Variants in CPXM2 observed in about 807,000 individuals in gnomAD.
CPXM2 encodes the protein inactive carboxypeptidase-like protein X2.
CPXM2 carries 66 observed loss-of-function variants against 86.1 expected under a neutral mutation model. The ratio of observed to expected loss-of-function variants is 0.77; its 90% confidence interval spans 0.63 to 0.94. The LOEUF is 0.94. CPXM2 is among the 40% of genes least tolerant of loss of function. CPXM2 has a pLI of 0.00. For synonymous variants in CPXM2, 388 were observed against 400.2 expected (o/e 0.97, Z 0.36); for missense variants, 948 against 1,026.3 (o/e 0.92, Z 1.04).
chr10:123,829,288 A>C (rs1177520531), intron 4 of CPXM2, among the ~76,000 whole-genome samples: 1 of 152,244 alleles, frequency 6.6e-6, no homozygotes, highest in Non-Finnish European at 1.5e-5. Flanking sequence ...TAAAGTGAAC[A>C]GTCACTCAAG....
At chr10:123,912,843 G>T (rs78051524) in intron 2 of CPXM2, among the ~76,000 whole-genome samples, 3 of 152,168 alleles carry the variant, frequency 2.0e-5, no homozygotes, top group Non-Finnish European at 4.4e-5. Context: ...CACACAACAG[G>T]TTCAACTACT....
chr10:123,788,598 G>A (rs1847126332), intron 6 of CPXM2, among the ~76,000 whole-genome samples: 1 of 152,176 alleles, frequency 6.6e-6, no homozygotes, highest in African/African-American at 2.4e-5. Context: ...CTCCAAAAGC[G>A]AAGCAGCACA....
chr10:123,851,828 A>G (rs1174681592), intron 3 of CPXM2, among the ~76,000 whole-genome samples: 1 of 151,782 alleles, frequency 6.6e-6, no homozygotes, highest in Non-Finnish European at 1.5e-5. Flanking sequence ...CAGTCAGCTT[A>G]GAGCAGGATG....
At chr10:123,920,045 C>A (rs1340262579) in intron 2 of CPXM2, among the ~76,000 whole-genome samples, 2 of 152,174 alleles carry the variant, frequency 1.3e-5, no homozygotes, top group Non-Finnish European at 2.9e-5. Flanking sequence ...CACCTCACAC[C>A]ATGCCCCTTT....
chr10:123,836,180 G>A (rs921632271), intron 4 of CPXM2, among the ~76,000 whole-genome samples: 1 of 152,096 alleles, frequency 6.6e-6, no homozygotes, highest in African/African-American at 2.4e-5. Flanking sequence ...AAGATTCCCA[G>A]AAATCTGCTC....
chr10:123,905,847 C>T (rs72829708), intron 2 of CPXM2, among the ~76,000 whole-genome samples: 9,519 of 152,122 alleles, frequency 0.063, 424 homozygotes, highest in Non-Finnish European at 0.079. Flanking sequence ...CACCCAGAAA[C>T]GCTGCCTTTG....
intron 6 of CPXM2, among the ~76,000 whole-genome samples, chr10:123,793,518 A>G (rs557656564): frequency 1.3e-5 from 2 of 150,218 alleles, no homozygotes; most frequent in South Asian, 4.2e-4. Context: ...GTCTGAGCTG[A>G]GCCAAAGCTC....
At chr10:123,758,022 C>A (rs59963186) in intron 11 of CPXM2, among the ~76,000 whole-genome samples, 2,791 of 152,262 alleles carry the variant, frequency 0.018, 39 homozygotes, top group Non-Finnish European at 0.027. Context: ...GGTCTGCATG[C>A]CCTTGCCCAC....
chr10:123,767,081 A>C lies in CPXM2; in HGVS notation c.1371T>G (p.Pro457=). The change falls in exon 10 of 14, where the codon CCT becomes CCG. Residue 457 remains proline (P), a synonymous_variant. Coordinates refer to ENST00000241305, the MANE Select transcript of CPXM2 (RefSeq NM_198148.3). ...CCTCCCAGAGCAGCGTGTTTAAATCAGGAAAGTTGTTGTTGATGTCAATTC... is the reference window on the plus strand; with the variant it reads ...CCTCCCAGAGCAGCGTGTTTAAATCCGGAAAGTTGTTGTTGATGTCAATTC... ...HDGIDINNNF[P]DLNTLLWEAE... The C allele has an allele frequency of 6.2e-7, 1 of 1,614,186 alleles. No individual in the cohort carries two copies. Among genetic ancestry groups the C allele is most frequent in the Non-Finnish European group, 8.5e-7 (1 of 1,180,032 alleles).
upstream of CPXM2, among the ~76,000 whole-genome samples, chr10:123,893,601 G>T (rs1314463499): frequency 2.6e-5 from 4 of 152,146 alleles, no homozygotes; most frequent in African/African-American, 9.7e-5. Context: ...AGTCCTCAGG[G>T]TGAGAGGGCA....
rs909638407 is a variant in CPXM2, at chr10:123,891,433, G to A, written c.227C>T (p.Pro76Leu). Reference sequence around the variant, plus strand: ...CTTGGTGGCCCTCTTGGGCGGCCTGGGCTCCTGCGGGCGCCGCTCCCACTC... The same window carrying A: ...CTTGGTGGCCCTCTTGGGCGGCCTGAGCTCCTGCGGGCGCCGCTCCCACTC... ...GEEWERRPQE[P>L]RPPKRATKPK... is the part of the protein sequence containing the mutation. The change falls in exon 1 of 14, where the codon CCC becomes CTC. Residue 76 changes from proline (P) to leucine (L), a missense_variant. By Grantham distance (98) the Pro-to-Leu change is moderately conservative (BLOSUM62 -3). Coordinates refer to ENST00000241305, the MANE Select transcript of CPXM2 (RefSeq NM_198148.3). The surrounding 1 kb of genome is among the most constrained non-coding windows in gnomAD (Gnocchi z 5.6). The A allele has an allele frequency of 1.9e-6, 3 of 1,556,420 alleles. No individual in the cohort carries two copies. The Admixed American group carries it at 5.7e-5, about 29-fold the overall frequency.
At chr10:123,844,590 G>A (rs1282877342) in intron 3 of CPXM2, among the ~76,000 whole-genome samples, 1 of 152,000 alleles carries the variant, frequency 6.6e-6, no homozygotes, top group African/African-American at 2.4e-5. Flanking sequence ...CAAGATGATG[G>A]GATAAACACA....
At chr10:123,813,989 T>C (rs1467258374) in intron 4 of CPXM2, among the ~76,000 whole-genome samples, 1 of 152,180 alleles carries the variant, frequency 6.6e-6, no homozygotes, top group Non-Finnish European at 1.5e-5. Flanking sequence ...CACAGTACCT[T>C]GATAATGTGA....
intron 2 of CPXM2, among the ~76,000 whole-genome samples, chr10:123,900,128 G>T (rs1319383222): frequency 6.6e-6 from 1 of 152,150 alleles, no homozygotes; most frequent in African/African-American, 2.4e-5. Flanking sequence ...TGCAAACTCT[G>T]CCTCCCAGGT....
At chr10:123,858,019 C>T (rs1362323551) in intron 3 of CPXM2, among the ~76,000 whole-genome samples, 4 of 152,040 alleles carry the variant, frequency 2.6e-5, no homozygotes, top group African/African-American at 9.7e-5. Context: ...TGATAGACTC[C>T]ATATTCACCC....
chr10:123,857,879 C>T (rs1590072924), intron 3 of CPXM2, among the ~76,000 whole-genome samples: 1 of 151,680 alleles, frequency 6.6e-6, no homozygotes, highest in East Asian at 2.0e-4. Flanking sequence ...ATAGACTCCA[C>T]ACTCACCCGT....
intron 3 of CPXM2, among the ~76,000 whole-genome samples, chr10:123,859,391 A>G (rs948887705): frequency 1.3e-5 from 2 of 152,258 alleles, no homozygotes; most frequent in Non-Finnish European, 2.9e-5. Context: ...ACAAACCACA[A>G]AAGTGGGCTG....
At chr10:123,766,638 T>C (rs1846480076) in intron 10 of CPXM2, among the ~76,000 whole-genome samples, 1 of 152,104 alleles carries the variant, frequency 6.6e-6, no homozygotes, top group Admixed American at 6.5e-5. Flanking sequence ...AAGCAATCAG[T>C]GAGGGCTAAG....
chr10:123,833,846 T>C (rs1848219866), intron 4 of CPXM2, among the ~76,000 whole-genome samples: 1 of 152,178 alleles, frequency 6.6e-6, no homozygotes, highest in Non-Finnish European at 1.5e-5. Flanking sequence ...GTAGGGGCAG[T>C]GCTGGCACGA....
Sources: allele counts gnomAD v4.1 joint callset (sites outside exome capture counted in the v4.1 genomes callset), GRCh38; gene constraint gnomAD v4.1.1; non-coding constraint Gnocchi (gnomAD v3.1); transcripts MANE v1.5; gene names NCBI Gene and HGNC (gene_info 2026-07-23, HGNC 2026-07-21).